Variants in STT3B observed in about 807,000 individuals in gnomAD.
The protein encoded by STT3B is dolichyl-diphosphooligosaccharide--protein glycosyltransferase subunit STT3B.
In STT3B, 29 loss-of-function variants were observed where a neutral mutation model predicts 96.8. The ratio of observed to expected loss-of-function variants is 0.30; its 90% confidence interval spans 0.22 to 0.41. STT3B has a LOEUF of 0.41. Among genes scored for constraint, STT3B ranks in the 10% least tolerant of loss-of-function variants. STT3B has a pLI of 1.00. For missense variants in STT3B, 640 were observed against 1,022.3 expected, an observed-to-expected ratio of 0.63 and a Z score of 5.10; for synonymous variants, 367 against 360.0, an observed-to-expected ratio of 1.02 and a Z score of -0.22.
intron 1 of STT3B, among the ~76,000 whole-genome samples, chr3:31,567,230 C>A (rs1413983558): frequency 6.6e-6 from 1 of 152,184 alleles, no homozygotes; most frequent in Admixed American, 6.5e-5. Flanking sequence ...AAATGTAATA[C>A]TTGGTACAGT....
At chr3:31,556,173 G>A (rs1697707186) in intron 1 of STT3B, among the ~76,000 whole-genome samples, 2 of 151,712 alleles carry the variant, frequency 1.3e-5, no homozygotes, top group Admixed American at 1.3e-4. Context: ...TCAGTGTCTG[G>A]CTTATTTTAC....
At position 31,589,450 on chromosome 3, in the gene STT3B, T is replaced by C. The variant is rs1025380089; in HGVS notation, c.712-7348T>C. On this transcript the variant is annotated intron_variant, in intron 3 of 15. Coordinates refer to ENST00000295770, the MANE Select transcript of STT3B (RefSeq NM_178862.3). ...GTACTTCTTTTCTTTTCTTGTCTTATTGCATTTGCTAGGACTTCCATTACA... is the reference window on the plus strand; with the variant it reads ...GTACTTCTTTTCTTTTCTTGTCTTACTGCATTTGCTAGGACTTCCATTACA... Among the ~76,000 whole-genome samples, 3 of 152,028 alleles carry C rather than the reference T, an allele frequency of 2.0e-5. No individual in the cohort carries two copies. The South Asian group carries it at 6.2e-4, about 31-fold the overall frequency.
At chr3:31,599,716 G>A (rs1244254386) in intron 4 of STT3B, among the ~76,000 whole-genome samples, 1 of 152,158 alleles carries the variant, frequency 6.6e-6, no homozygotes. Flanking sequence ...GGTTGAGAAT[G>A]GAGATTCTCT....
chr3:31,541,667 C>G (rs1427778557), intron 1 of STT3B, among the ~76,000 whole-genome samples: 1 of 152,082 alleles, frequency 6.6e-6, no homozygotes, highest in Non-Finnish European at 1.5e-5. Context: ...AGCTCCACCT[C>G]TTGGGTTCAT....
At chr3:31,607,103 G>C (rs182855937) in intron 5 of STT3B, among the ~76,000 whole-genome samples, 1 of 152,152 alleles carries the variant, frequency 6.6e-6, no homozygotes, top group East Asian at 1.9e-4. Flanking sequence ...TCGAGTGCCT[G>C]TACCCCCATT....
rs188618821 is a variant in STT3B, at chr3:31,556,101, T to C, written c.315-20295T>C. On this transcript the variant is annotated intron_variant, in intron 1 of 15. Transcript: ENST00000295770. Reference sequence around the variant, plus strand: ...AGCCTCTGGTATCTGTCTACCTCACTGAGATCAACTTTTTTTTTTTTTCCG... The same window carrying C: ...AGCCTCTGGTATCTGTCTACCTCACCGAGATCAACTTTTTTTTTTTTTCCG... Among the ~76,000 whole-genome samples, 3 of 152,210 alleles carry C rather than the reference T, an allele frequency of 2.0e-5. No homozygotes were observed. In the East Asian group the frequency reaches 5.8e-4, roughly 29 times the overall value.
Position 31,616,965 on chromosome 3 carries a change from A to G in STT3B, c.1013A>G (p.Gln338Arg). 1.2e-6 allele frequency: 2 copies of G among 1,611,948 alleles called. No individual in the cohort carries two copies. Among genetic ancestry groups the G allele is most frequent in the South Asian group, 2.2e-5 (2 of 90,848 alleles). ...TTGCTGCAAGCTTATGCTTTCTTGC[A>G]GTATCTGAGAGACCGATTAACAAAA... ...FALLQAYAFL[Q>R]YLRDRLTKQE... Residue 338 changes from glutamine to arginine, a missense_variant, in exon 7 of 16, where the codon CAG becomes CGG. Transcript: ENST00000295770.
chr3:31,581,778 G>T (rs1207726076), intron 3 of STT3B, among the ~76,000 whole-genome samples: 1 of 152,180 alleles, frequency 6.6e-6, no homozygotes, highest in African/African-American at 2.4e-5. Flanking sequence ...TGTTGGTTCA[G>T]TTCTTTAAAC....
chr3:31,613,547 C>T (rs1203292278), intron 5 of STT3B, among the ~76,000 whole-genome samples: 6 of 152,020 alleles, frequency 3.9e-5, no homozygotes, highest in African/African-American at 1.4e-4. Flanking sequence ...ATCTACAAAT[C>T]TTGTCCAACC....
At chr3:31,567,248 C>G (rs1374329203) in intron 1 of STT3B, among the ~76,000 whole-genome samples, 2 of 152,182 alleles carry the variant, frequency 1.3e-5, no homozygotes, top group Non-Finnish European at 2.9e-5. Context: ...AGTGCTCCAC[C>G]TCGCTGCCTT....
intron 3 of STT3B, among the ~76,000 whole-genome samples, chr3:31,594,999 C>G: frequency 6.6e-6 from 1 of 152,228 alleles, no homozygotes; most frequent in East Asian, 1.9e-4. Context: ...AGACCCTGTC[C>G]TTGGGCCTTT....
At chr3:31,575,933 T>C (rs1184667179) in intron 1 of STT3B, among the ~76,000 whole-genome samples, 1 of 152,106 alleles carries the variant, frequency 6.6e-6, no homozygotes, top group Non-Finnish European at 1.5e-5. Flanking sequence ...TTATAATTTC[T>C]TTTTCTATAA....
intron 3 of STT3B, among the ~76,000 whole-genome samples, chr3:31,593,724 T>C (rs966333925): frequency 1.3e-5 from 2 of 152,110 alleles, no homozygotes; most frequent in Non-Finnish European, 2.9e-5. Context: ...TTCATTCTTA[T>C]TTCTCACATG....
intron 1 of STT3B, among the ~76,000 whole-genome samples, chr3:31,535,244 A>G (rs1211018694): frequency 6.6e-6 from 1 of 152,094 alleles, no homozygotes; most frequent in East Asian, 1.9e-4. Flanking sequence ...CAAGTCAGCC[A>G]AAGATCCCCA....
At chr3:31,580,554 T>A (rs538212972) in intron 3 of STT3B, among the ~76,000 whole-genome samples, 1 of 152,328 alleles carries the variant, frequency 6.6e-6, no homozygotes, top group African/African-American at 2.4e-5. Context: ...CATTTATTTA[T>A]GTATTTATTA....
intron 3 of STT3B, among the ~76,000 whole-genome samples, chr3:31,589,930 GTATTACTTC>G (rs927900906): frequency 6.6e-6 from 1 of 151,782 alleles, no homozygotes; most frequent in African/African-American, 2.4e-5. Context: ...CGTAGGATTG[GTATTACTTC>G]TTCTTTAACT....
chr3:31,557,310 C>T (rs990981549), intron 1 of STT3B, among the ~76,000 whole-genome samples: 39 of 152,254 alleles, frequency 2.6e-4, no homozygotes, highest in Admixed American at 9.2e-4. Context: ...AGTTTGGCCT[C>T]CAGCTTTGTT....
At chr3:31,614,874 A>T (rs1410212506) in intron 5 of STT3B, among the ~76,000 whole-genome samples, 2 of 151,922 alleles carry the variant, frequency 1.3e-5, no homozygotes, top group African/African-American at 4.8e-5. Flanking sequence ...AGTCTCACAA[A>T]CTGTTGTAAT....
intron 3 of STT3B, among the ~76,000 whole-genome samples, chr3:31,587,090 C>T (rs546401746): frequency 2.0e-5 from 3 of 151,976 alleles, no homozygotes; most frequent in Non-Finnish European, 4.4e-5. Flanking sequence ...TTTTAAGCAC[C>T]GAAAGCTATA....
Sources: gnomAD v4.1 joint callset for allele counts (sites outside exome capture counted in the v4.1 genomes callset) on GRCh38, gnomAD v4.1.1 for gene constraint, MANE v1.5 for transcripts, NCBI Gene and HGNC (gene_info 2026-07-23, HGNC 2026-07-21) for gene names.